The following MRPL40 variants were observed in gnomAD, a reference collection of about 807,000 sequenced individuals.
The protein encoded by MRPL40 is mitochondrial ribosomal protein L40.
Under a neutral mutation model 24.5 loss-of-function variants are expected in MRPL40, and 18 were observed. That is an observed-to-expected ratio of 0.73 (90% CI 0.51 to 1.09). MRPL40 has a LOEUF of 1.09. Ranked by LOEUF, MRPL40 falls within the 50% of genes least tolerant of loss-of-function variation. The pLI, the probability that MRPL40 is intolerant of heterozygous loss-of-function variation, is 0.00. For synonymous variants in MRPL40, 108 were observed against 94.6 expected (o/e 1.14, Z -0.82); for missense variants, 256 against 243.8 (o/e 1.05, Z -0.33).
rs534526222 is a variant in MRPL40 at position 19,433,829 on chromosome 22, C to G, written c.137+481C>G. ...CCAGGCTGGAGTGCAGTGGTGTGAC[C>G]TCGGATCACTGCAACCTTCGCCTCC... On this transcript the variant is annotated intron_variant, in intron 2 of 3. Coordinates refer to ENST00000333130, the MANE Select transcript of MRPL40 (RefSeq NM_003776.4). Among the ~76,000 whole-genome samples, 8 of 152,088 alleles carry G rather than the reference C, an allele frequency of 5.3e-5. No homozygotes were observed. The East Asian group carries it at 1.5e-3, about 29-fold the overall frequency.
Position 19,436,017 on chromosome 22 carries a change from T to C in MRPL40, c.*55T>C. 7.1e-7 allele frequency: 1 copy of C among 1,410,232 alleles called. No individual in the cohort carries two copies. Among genetic ancestry groups the C allele is most frequent in the Non-Finnish European group, 9.8e-7 (1 of 1,018,630 alleles). 87.4% of individuals were successfully genotyped at this position (1,410,232 alleles called of 1,614,324 possible). On this transcript the variant is annotated 3_prime_UTR_variant, in exon 4 of 4. Transcript: ENST00000333130. ...CCCCTGAGAGTAGGAATGACCAGGG[T>C]TCAAGTCTGCTTTCCACAGAATCAG...
intron 1 of MRPL40, 29 bp from the exon 2 acceptor site, chr22:19,433,236 A>T: frequency 6.6e-7 from 1 of 1,514,516 alleles, no homozygotes; most frequent in Non-Finnish European, 9.2e-7. Flanking sequence ...GGAGAAGCAG[A>T]TATTTATACA....
At chr22:19,435,410 A>C (rs1244921159) in intron 3 of MRPL40, among the ~76,000 whole-genome samples, 1 of 152,220 alleles carries the variant, frequency 6.6e-6, no homozygotes, top group African/African-American at 2.4e-5. Context: ...GGGCAGAGGA[A>C]GTGCTACCAG....
At chr22:19,435,515 A>C in intron 3 of MRPL40, 123 bp from the exon 4 acceptor site, 2 of 894,350 alleles carry the variant, frequency 2.2e-6, no homozygotes, top group Non-Finnish European at 1.7e-6. Flanking sequence ...TCCATTTCTT[A>C]ATTTGTCCCA....
intron 2 of MRPL40, 128 bp from the exon 3 acceptor site, chr22:19,434,608 C>T: frequency 1.4e-6 from 1 of 693,442 alleles, no homozygotes; most frequent in Non-Finnish European, 2.4e-6. Flanking sequence ...CCACGCTGAG[C>T]TCATGAGTTA....
rs2089582512 is a variant in MRPL40 at position 19,435,662 on chromosome 22, C to T, written c.321C>T (p.Thr107=). Reference sequence around the variant, plus strand: ...GAGAGCGGCCTCAGGTGGAGCTCACCTTTGAGGAGACTGAGAGGAGAGCTC... The same window carrying T: ...GAGAGCGGCCTCAGGTGGAGCTCACTTTTGAGGAGACTGAGAGGAGAGCTC... The part of the protein sequence containing the change: ...KARERPQVEL[T]FEETERRALL... The change falls in exon 4 of 4, where the codon ACC becomes ACT. Residue 107 remains threonine (T), a synonymous_variant. Transcript: ENST00000333130. 2 of 1,613,988 alleles carry T rather than the reference C, an allele frequency of 1.2e-6. No homozygotes were observed. Among genetic ancestry groups the T allele is most frequent in the East Asian group, 4.5e-5 (2 of 44,874 alleles).
At chr22:19,435,220 T>C (rs2089579238) in intron 3 of MRPL40, among the ~76,000 whole-genome samples, 1 of 152,192 alleles carries the variant, frequency 6.6e-6, no homozygotes, top group Non-Finnish European at 1.5e-5. Flanking sequence ...CCTCGCCTCA[T>C]CCTAACAGTA....
At chr22:19,432,800 T>TC in intron 1 of MRPL40, 193 bp downstream of exon 1, 5 of 1,374,774 alleles carry the variant, frequency 3.6e-6, no homozygotes, top group Non-Finnish European at 4.7e-6. Context: ...GCTTAAGTCC[T>TC]CTGTGGTCTG....
chr22:19,434,610 C>G, intron 2 of MRPL40, 126 bp from the exon 3 acceptor site: 2 of 703,016 alleles, frequency 2.8e-6, no homozygotes, highest in Non-Finnish European at 4.7e-6. Flanking sequence ...ACGCTGAGCT[C>G]ATGAGTTAGT....
At chr22:19,435,535 T>A in intron 3 of MRPL40, 103 bp from the exon 4 acceptor site, 1 of 1,104,900 alleles carries the variant, frequency 9.1e-7, no homozygotes, top group East Asian at 2.4e-5. Flanking sequence ...AAACTTGTTT[T>A]ATCTCCTAAG....
chr22:19,432,596 C>G lies in MRPL40; in HGVS notation c.42C>G (p.Arg14=). 1.3e-6 allele frequency: 2 copies of G among 1,554,270 alleles called. No individual in the cohort carries two copies. The highest frequency in any genetic ancestry group is 1.9e-5 in the Admixed American group (1 of 51,914). The change falls in exon 1 of 4, where the codon CGC becomes CGG. Residue 14 remains arginine (R), a synonymous_variant. Coordinates refer to ENST00000333130, the MANE Select transcript of MRPL40 (RefSeq NM_003776.4). ...TGCGAAGTATCTCGCTAGCCCTGCG[C>G]CCGACTAGCGGGTGAGTGCGGACGC... is the stretch of plus-strand genomic sequence containing the variant. ...SVLRSISLAL[R]PTSGLLGTWQ... is the part of the protein sequence containing the mutation.
In MRPL40 at chr22:19,435,786, G is replaced by GAACTGC; in HGVS notation, c.451_456dup (p.Gln151_Leu152dup). 6.2e-7 allele frequency: 1 copy of GAACTGC among 1,614,186 alleles called. No individual in the cohort carries two copies. Among genetic ancestry groups the GAACTGC allele is most frequent in the South Asian group, 1.1e-5 (1 of 91,080 alleles). ...AGAAGCCCAGCAGGAAGCTCTGGAG[G>GAACTGC]AACTGCAACTGGAATCCCCGAAGCT... On this transcript the variant is annotated inframe_insertion, in exon 4 of 4. Transcript: ENST00000333130.
chr22:19,435,613 T>C (rs369076033), intron 3 of MRPL40, 25 bp from the exon 4 acceptor site: 93 of 1,585,690 alleles, frequency 5.9e-5, no homozygotes, highest in African/African-American at 3.8e-4. Context: ...GCCAGTGAGA[T>C]TGGTAACCCT....
chr22:19,432,678 G>T, intron 1 of MRPL40, 71 bp downstream of exon 1: 1 of 1,491,126 alleles, frequency 6.7e-7, no homozygotes, highest in Non-Finnish European at 9.0e-7. Context: ...TGTCCGCCAG[G>T]ACTCGCCTGT....
At position 19,435,906 on chromosome 22, in the gene MRPL40, G is replaced by A. The variant is rs1488828299; in HGVS notation, c.565G>A (p.Glu189Lys). 3.1e-6 allele frequency: 5 copies of A among 1,614,026 alleles called. No homozygotes were observed. In the African/African-American group the frequency reaches 6.7e-5, roughly 22 times the overall value. Residue 189 changes from glutamate (E) to lysine (K), a missense_variant, in exon 4 of 4, where the codon GAA (glutamate) becomes AAA (lysine). Glu to Lys is a moderately conservative substitution (Grantham distance 56). Transcript: ENST00000333130. The part of the protein sequence containing the change: ...TPPIPNYQPP[E>K]GRYNDITKVY... ...ACCGATCCCTAACTACCAACCCCCTGAAGGCAGGTACAATGACATCACCAA... is the reference window on the plus strand; with the variant it reads ...ACCGATCCCTAACTACCAACCCCCTAAAGGCAGGTACAATGACATCACCAA...
intron 2 of MRPL40, among the ~76,000 whole-genome samples, chr22:19,434,216 C>CTTTTTTTTTTTTT (rs35856980): frequency 2.3e-5 from 2 of 85,302 alleles, no homozygotes; most frequent in Non-Finnish European, 4.2e-5. Context: ...TGCTTTTGTA[C>CTTTTTTTTTTTTT]TTTTTTTTTT....
chr22:19,433,050 C>A (rs1306831885), intron 1 of MRPL40: 1 of 531,548 alleles, frequency 1.9e-6, no homozygotes, highest in Non-Finnish European at 3.2e-6. Flanking sequence ...CCCCGGCCTC[C>A]CGAGTAGCTC....
In MRPL40 at chr22:19,435,755, T is replaced by A; in HGVS notation, c.414T>A (p.Ala138=). The change falls in exon 4 of 4, where the codon GCT becomes GCA. Residue 138 remains alanine (A), a synonymous_variant. Coordinates refer to ENST00000333130, the MANE Select transcript of MRPL40 (RefSeq NM_003776.4). ...ERKMERDTIR[A]MLEAQQEALE... The stretch of plus-strand genomic sequence containing the variant: ...AGATGGAGAGGGACACCATCAGGGC[T>A]ATGCTAGAAGCCCAGCAGGAAGCTC... The A allele has an allele frequency of 6.2e-7, 1 of 1,614,166 alleles. No homozygotes were observed. Among genetic ancestry groups the A allele is most frequent in the South Asian group, 1.1e-5 (1 of 91,078 alleles).
chr22:19,435,744 A>G lies in MRPL40; in HGVS notation c.403A>G (p.Thr135Ala), dbSNP rs199821928. 7 of 1,613,988 alleles carry G rather than the reference A, an allele frequency of 4.3e-6. No individual in the cohort carries two copies. Among genetic ancestry groups the G allele is most frequent in the Non-Finnish European group, 5.9e-6 (7 of 1,179,984 alleles). Residue 135 changes from threonine (T) to alanine (A), a missense_variant, in exon 4 of 4, where the codon ACC becomes GCC. Thr to Ala is a moderately conservative substitution (Grantham distance 58). Transcript: ENST00000333130. The part of the protein sequence containing the change: ...KQQERKMERD[T>A]IRAMLEAQQE... ...GCAAGAGCGTAAGATGGAGAGGGAC[A>G]CCATCAGGGCTATGCTAGAAGCCCA...
Sources: gnomAD v4.1 joint callset for allele counts (sites outside exome capture counted in the v4.1 genomes callset) on GRCh38, gnomAD v4.1.1 for gene constraint, MANE v1.5 for transcripts, NCBI Gene and HGNC (gene_info 2026-07-23, HGNC 2026-07-21) for gene names.